TTBK2: variants seen among roughly 807,000 people sequenced by gnomAD.
The protein encoded by TTBK2 is tau-tubulin kinase 2.
A neutral mutation model predicts 110.8 loss-of-function variants in TTBK2; 28 were observed. That is an observed-to-expected ratio of 0.25 (90% CI 0.19 to 0.35). The LOEUF is 0.35. Ranked by LOEUF, TTBK2 falls within the 10% of genes least tolerant of loss-of-function variation. The pLI, the probability that TTBK2 is intolerant of heterozygous loss-of-function variation, is 1.00. For missense variants in TTBK2, 1,369 were observed against 1,500.3 expected, an observed-to-expected ratio of 0.91 and a Z score of 1.45; for synonymous variants, 532 against 527.3, an observed-to-expected ratio of 1.01 and a Z score of -0.12.
Position 42,769,864 on chromosome 15 carries a change from C to T in TTBK2, c.1998+5271G>A, listed in dbSNP as rs568477296. Among the ~76,000 whole-genome samples the T allele has an allele frequency of 4.6e-5, 7 of 152,224 alleles. No homozygotes were observed. In the East Asian group the frequency reaches 1.2e-3, roughly 25 times the overall value. On this transcript the variant is annotated intron_variant, in intron 13 of 14. Coordinates refer to ENST00000267890, the MANE Select transcript of TTBK2 (RefSeq NM_173500.4). ...GCAGACTTGGAACCCAAATGTCCATCAATGATAGACTGGATTAAGAAAATG... is the reference window on the plus strand; with the variant it reads ...GCAGACTTGGAACCCAAATGTCCATTAATGATAGACTGGATTAAGAAAATG...
intron 1 of TTBK2, among the ~76,000 whole-genome samples, chr15:42,887,257 A>G (rs1895281875): frequency 6.6e-6 from 1 of 152,126 alleles, no homozygotes; most frequent in Non-Finnish European, 1.5e-5. Flanking sequence ...TAACTAAATT[A>G]TCTGCTTCCC....
intron 6 of TTBK2, among the ~76,000 whole-genome samples, chr15:42,825,300 G>T (rs1023756516): frequency 6.6e-5 from 10 of 152,174 alleles, no homozygotes; most frequent in Non-Finnish European, 1.2e-4. Flanking sequence ...ATCTGCAGAA[G>T]AGAGAAGAAA....
chr15:42,788,054 A>G (rs765101073), intron 10 of TTBK2, among the ~76,000 whole-genome samples: 12 of 152,074 alleles, frequency 7.9e-5, no homozygotes, highest in Non-Finnish European at 1.3e-4. Flanking sequence ...GTATTATAAC[A>G]TTATCTAAAC....
chr15:42,840,472 T>C (rs1353167849), intron 3 of TTBK2, 39 bp from the exon 4 acceptor site: 5 of 1,547,144 alleles, frequency 3.2e-6, no homozygotes, highest in Admixed American at 1.7e-5. Context: ...GAATATACTA[T>C]GGTTTCTCTT....
Position 42,801,552 on chromosome 15 carries a change from C to G in TTBK2, c.823-6751G>C, listed in dbSNP as rs1595925457. On this transcript the variant is annotated intron_variant, in intron 9 of 14. Transcript: ENST00000267890. Reference sequence around the variant, plus strand: ...TGCTTCTGACCCAGCGTCTGCAGCTCCTTATACTTGATCTAGTACATGCTC... The same window carrying G: ...TGCTTCTGACCCAGCGTCTGCAGCTGCTTATACTTGATCTAGTACATGCTC... The G allele has an allele frequency of 3.5e-5, 27 of 767,640 alleles. No homozygotes were observed. The East Asian group carries it at 6.7e-4, about 19-fold the overall frequency. 47.6% of individuals were successfully genotyped at this position (767,640 alleles called of 1,614,324 possible).
chr15:42,846,321 C>G (rs1312990482), intron 3 of TTBK2, among the ~76,000 whole-genome samples: 1 of 151,982 alleles, frequency 6.6e-6, no homozygotes, highest in Non-Finnish European at 1.5e-5. Flanking sequence ...TCCCAAGAAG[C>G]TGGGATTACA....
In TTBK2 at chr15:42,776,896, C is replaced by CA. The variant is rs1491483816; in HGVS notation, c.1409+134dup. On this transcript the variant is annotated intron_variant, in intron 12 of 14. Transcript: ENST00000267890. Reference sequence around the variant, plus strand: ...GATGAAAATTGGAGCTGAATAGACTCAGTGTTACAAAAATGCAAGGATTTC... The same window carrying CA: ...GATGAAAATTGGAGCTGAATAGACTCAAGTGTTACAAAAATGCAAGGATTTC... 8 of 823,470 alleles carry CA rather than the reference C, an allele frequency of 9.7e-6. No homozygotes were observed. In the East Asian group the frequency reaches 1.9e-4, roughly 19 times the overall value. The allele number at this position is 823,470 out of a possible 1,614,324, so 51.0% of individuals were successfully genotyped here.
chr15:42,840,765 C>T (rs530484399), intron 3 of TTBK2, among the ~76,000 whole-genome samples: 1 of 152,160 alleles, frequency 6.6e-6, no homozygotes, highest in Non-Finnish European at 1.5e-5. Context: ...CATATGAAGC[C>T]ACAGAAGAGC....
rs1555421152 is a variant in TTBK2, at chr15:42,763,155, T to TAC, written c.1999-9910_1999-9909dup. Among the ~76,000 whole-genome samples, 5 of 48,968 alleles carry TAC rather than the reference T, an allele frequency of 1.0e-4. 1 individual carries two copies. Among genetic ancestry groups the TAC allele is most frequent in the African/African-American group, 4.5e-4 (3 of 6,682 alleles). The allele number at this position is 48,968 out of a possible 152,430, so 32.1% of individuals were successfully genotyped here. Reference sequence around the variant, plus strand: ...ACATATATACATACATATATATATATACATATATATATATATATATATATA... The same window carrying TAC: ...ACATATATACATACATATATATATATACACATATATATATATATATATATATA... On this transcript the variant is annotated intron_variant, in intron 13 of 14. Coordinates refer to ENST00000267890, the MANE Select transcript of TTBK2 (RefSeq NM_173500.4).
At chr15:42,787,508 CAATT>C (rs1890461383) in intron 10 of TTBK2, among the ~76,000 whole-genome samples, 1 of 152,114 alleles carries the variant, frequency 6.6e-6, no homozygotes, top group African/African-American at 2.4e-5. Context: ...ATGGATGCTA[CAATT>C]AATAGGAAAA....
At chr15:42,855,842 G>T (rs565960440) in intron 3 of TTBK2, among the ~76,000 whole-genome samples, 3 of 152,006 alleles carry the variant, frequency 2.0e-5, no homozygotes, top group Non-Finnish European at 4.4e-5. Context: ...CCGCCACCTC[G>T]CCCGGCTAAT....
chr15:42,770,987 TC>T (rs113100220), intron 13 of TTBK2, among the ~76,000 whole-genome samples: 28,852 of 147,936 alleles, frequency 0.2, 3,020 homozygotes, highest in Admixed American at 0.27. Flanking sequence ...TTTTTTTTTT[TC>T]TTTGACACAG....
intron 13 of TTBK2, 63 bp downstream of exon 13, chr15:42,775,072 A>T (rs981495725): frequency 1.9e-6 from 3 of 1,543,560 alleles, no homozygotes; most frequent in African/African-American, 2.7e-5. Flanking sequence ...ATCAACTGTT[A>T]GTCCTTTCTT....
chr15:42,821,281 G>A (rs897367109), intron 6 of TTBK2, among the ~76,000 whole-genome samples: 1 of 152,172 alleles, frequency 6.6e-6, no homozygotes, highest in Non-Finnish European at 1.5e-5. Flanking sequence ...GGAGCAGGGG[G>A]AAGAATCAGA....
At chr15:42,808,259 G>A (rs117085082) in intron 9 of TTBK2, among the ~76,000 whole-genome samples, 8 of 152,286 alleles carry the variant, frequency 5.3e-5, no homozygotes, top group South Asian at 2.1e-4. Flanking sequence ...CATGTGCAAC[G>A]TGTTGAAGTA....
intron 1 of TTBK2, among the ~76,000 whole-genome samples, chr15:42,881,357 A>T (rs1050753709): frequency 6.6e-6 from 1 of 151,766 alleles, no homozygotes; most frequent in African/African-American, 2.4e-5. Flanking sequence ...AAAAAAAAAA[A>T]AAAACCTTTT....
chr15:42,858,465 TGA>T (rs1446195007), intron 3 of TTBK2, among the ~76,000 whole-genome samples: 2 of 152,208 alleles, frequency 1.3e-5, no homozygotes, highest in Non-Finnish European at 2.9e-5. Flanking sequence ...AAGACTGAGC[TGA>T]GTTTTGGATA....
intron 11 of TTBK2, 150 bp from the exon 12 acceptor site, chr15:42,777,392 T>C (rs1889979833): frequency 5.4e-6 from 4 of 745,352 alleles, no homozygotes; most frequent in Admixed American, 2.8e-5. Context: ...CATTACATTC[T>C]TATCTATTAA....
chr15:42,801,108 C>T (rs1891175460), intron 9 of TTBK2: 2 of 863,784 alleles, frequency 2.3e-6, no homozygotes, highest in Non-Finnish European at 3.9e-6. Context: ...CAGGCCGTAG[C>T]TGAGGCCAGG....
Sources: gnomAD v4.1 joint callset for allele counts (sites outside exome capture counted in the v4.1 genomes callset) on GRCh38, gnomAD v4.1.1 for gene constraint, MANE v1.5 for transcripts, NCBI Gene and HGNC (gene_info 2026-07-23, HGNC 2026-07-21) for gene names.